TNFSF4: variants seen among roughly 807,000 people sequenced by gnomAD.
TNFSF4 encodes tumor necrosis factor ligand superfamily member 4.
A neutral mutation model predicts 7.3 loss-of-function variants in TNFSF4; 4 were observed. The observed-to-expected ratio is 0.55, with a 90% confidence interval of 0.27 to 1.25. The LOEUF is 1.25. TNFSF4 is among the 50% of genes most tolerant of loss of function. TNFSF4 has a pLI of 0.12. For synonymous variants in TNFSF4, 76 were observed against 83.7 expected (o/e 0.91, Z 0.50); for missense variants, 181 against 208.8 (o/e 0.87, Z 0.82).
At chr1:173,407,712 G>GTGTGTC in the TNFSF4 span, among the ~76,000 whole-genome samples, 2 of 151,640 alleles carry the variant, frequency 1.3e-5, no homozygotes, top group African/African-American at 2.4e-5. Context: ...GGGTGTGTGT[G>GTGTGTC]TGTGTGTGTG....
chr1:173,359,478 G>A, the TNFSF4 span, among the ~76,000 whole-genome samples: 211 of 7,830 alleles, frequency 0.027, 1 homozygote, highest in African/African-American at 0.038. Flanking sequence ...AAAGAAAAAA[G>A]AAAAATTCAA....
upstream of TNFSF4, among the ~76,000 whole-genome samples, chr1:173,209,091 A>G (rs975874876): frequency 6.6e-6 from 1 of 152,164 alleles, no homozygotes; most frequent in Admixed American, 6.5e-5. Flanking sequence ...TTAGGCTAAC[A>G]CTTGGATGAC....
chr1:173,390,051 A>C, the TNFSF4 span, among the ~76,000 whole-genome samples: 1 of 152,118 alleles, frequency 6.6e-6, no homozygotes, highest in Middle Eastern at 3.2e-3. Context: ...GATTTTGCGT[A>C]TGCTACTACC....
chr1:173,366,950 G>A, the TNFSF4 span, among the ~76,000 whole-genome samples: 1 of 152,080 alleles, frequency 6.6e-6, no homozygotes, highest in Non-Finnish European at 1.5e-5. Flanking sequence ...TTGTATTCTG[G>A]GCCCTCGCTT....
the TNFSF4 span, among the ~76,000 whole-genome samples, chr1:173,255,384 T>C: frequency 6.6e-6 from 1 of 152,232 alleles, no homozygotes; most frequent in Admixed American, 6.5e-5. Context: ...GGACTGTAAT[T>C]GCTGACCTCT....
chr1:173,274,465 G>A, the TNFSF4 span, among the ~76,000 whole-genome samples: 1 of 152,080 alleles, frequency 6.6e-6, no homozygotes, highest in Admixed American at 6.6e-5. Flanking sequence ...GATATTGCCA[G>A]ATTACTTTCC....
chr1:173,335,571 G>A, the TNFSF4 span, among the ~76,000 whole-genome samples: 9 of 152,288 alleles, frequency 5.9e-5, no homozygotes, highest in South Asian at 1.9e-3. Flanking sequence ...GCTGTTCCTA[G>A]AAATGAAATA....
the TNFSF4 span, among the ~76,000 whole-genome samples, chr1:173,370,156 T>C: frequency 6.6e-6 from 1 of 152,170 alleles, no homozygotes; most frequent in Non-Finnish European, 1.5e-5. Flanking sequence ...TTTCAGATGA[T>C]CCTGATAGAT....
chr1:173,408,095 C>T, the TNFSF4 span, among the ~76,000 whole-genome samples: 1 of 152,220 alleles, frequency 6.6e-6, no homozygotes, highest in East Asian at 1.9e-4. Flanking sequence ...GTGGAAAATA[C>T]ACTTCTGTTG....
downstream of TNFSF4, among the ~76,000 whole-genome samples, chr1:173,180,082 C>T (rs761114652): frequency 3.9e-5 from 6 of 152,108 alleles, no homozygotes; most frequent in Non-Finnish European, 5.9e-5. Flanking sequence ...TCAAATTATA[C>T]GTGTTCACTG....
chr1:173,206,313 T>G (rs979239350), intron 1 of TNFSF4, among the ~76,000 whole-genome samples: 1 of 151,898 alleles, frequency 6.6e-6, no homozygotes, highest in African/African-American at 2.4e-5. Context: ...AAGAGAGAAG[T>G]GTGGAACAAG....
chr1:173,211,637 C>T (rs958795672), upstream of TNFSF4, among the ~76,000 whole-genome samples: 2 of 152,166 alleles, frequency 1.3e-5, no homozygotes, highest in African/African-American at 4.8e-5. Flanking sequence ...AACACCCTTA[C>T]CCTCCACCTC....
chr1:173,439,299 T>C, the TNFSF4 span, among the ~76,000 whole-genome samples: 1 of 152,250 alleles, frequency 6.6e-6, no homozygotes, highest in African/African-American at 2.4e-5. Context: ...TGATCAGTCT[T>C]GTTTCTTTCT....
At chr1:173,285,720 G>A in the TNFSF4 span, among the ~76,000 whole-genome samples, 1 of 152,104 alleles carries the variant, frequency 6.6e-6, no homozygotes, top group Non-Finnish European at 1.5e-5. Flanking sequence ...ACATTTTTTA[G>A]CAATAAAGTA....
chr1:173,353,963 A>G, the TNFSF4 span, among the ~76,000 whole-genome samples: 1 of 152,130 alleles, frequency 6.6e-6, no homozygotes, highest in African/African-American at 2.4e-5. Context: ...AAGCTAGAAG[A>G]AGACAAGAAG....
chr1:173,276,313 G>A, the TNFSF4 span, among the ~76,000 whole-genome samples: 2 of 152,108 alleles, frequency 1.3e-5, no homozygotes, highest in African/African-American at 4.8e-5. Context: ...CACTCTCTAA[G>A]CTATAGGCTT....
At chr1:173,429,517 T>C in the TNFSF4 span, among the ~76,000 whole-genome samples, 1 of 152,206 alleles carries the variant, frequency 6.6e-6, no homozygotes, top group Non-Finnish European at 1.5e-5. Context: ...CTCTGCTCAT[T>C]CTCCATGGCT....
At chr1:173,223,447 C>T in the TNFSF4 span, among the ~76,000 whole-genome samples, 21 of 151,792 alleles carry the variant, frequency 1.4e-4, no homozygotes, top group African/African-American at 4.4e-4. Flanking sequence ...TAAGTCCACC[C>T]GCCCCCCCAA....
chr1:173,327,572 C>G, the TNFSF4 span, among the ~76,000 whole-genome samples: 1 of 151,418 alleles, frequency 6.6e-6, no homozygotes, highest in Non-Finnish European at 1.5e-5. Flanking sequence ...AGGCAACCTA[C>G]AGAATGGGAG....
Sources: allele counts gnomAD v4.1 joint callset (sites outside exome capture counted in the v4.1 genomes callset), GRCh38; gene constraint gnomAD v4.1.1; transcripts MANE v1.5; gene names NCBI Gene and HGNC (gene_info 2026-07-23, HGNC 2026-07-21).